CCDC148: variants seen among roughly 807,000 people sequenced by gnomAD.
CCDC148 encodes coiled-coil domain containing 148.
CCDC148 carries 89 observed loss-of-function variants against 85.7 expected under a neutral mutation model. The ratio of observed to expected loss-of-function variants is 1.04; its 90% CI spans 0.87 to 1.24. The LOEUF (loss-of-function observed/expected upper bound fraction) is 1.24. CCDC148 is among the 50% of genes most tolerant of loss of function. The pLI, the probability that CCDC148 is intolerant of heterozygous loss-of-function variation, is 0.00. For missense variants in CCDC148, 692 were observed against 671.7 expected (o/e 1.03, Z -0.33); for synonymous variants, 230 against 213.9 (o/e 1.08, Z -0.66).
At chr2:158,422,326 GA>G (rs1686837611) in intron 1 of CCDC148, among the ~76,000 whole-genome samples, 1 of 151,934 alleles carries the variant, frequency 6.6e-6, no homozygotes, top group Non-Finnish European at 1.5e-5. Context: ...CTTTATTGAG[GA>G]AAAATCCTCA....
At chr2:158,340,740 A>C in intron 3 of CCDC148, 60 bp from the exon 4 acceptor site, 1 of 975,180 alleles carries the variant, frequency 1.0e-6, no homozygotes, top group Non-Finnish European at 1.5e-6. Context: ...AGGTTTTTAA[A>C]AAATAACCAA....
At chr2:158,322,495 T>C (rs534111646) in intron 7 of CCDC148, among the ~76,000 whole-genome samples, 2 of 152,172 alleles carry the variant, frequency 1.3e-5, no homozygotes, top group South Asian at 2.1e-4. Context: ...ATCTGAAATA[T>C]ATAAAATGTT....
At chr2:158,308,446 C>T (rs2105207430) in intron 9 of CCDC148, among the ~76,000 whole-genome samples, 1 of 149,130 alleles carries the variant, frequency 6.7e-6, no homozygotes, top group African/African-American at 2.5e-5. Context: ...CAAGCTTATG[C>T]AATGTCAAAA....
At chr2:158,390,105 G>T (rs547902299) in intron 1 of CCDC148, among the ~76,000 whole-genome samples, 1 of 152,138 alleles carries the variant, frequency 6.6e-6, no homozygotes, top group Non-Finnish European at 1.5e-5. Flanking sequence ...TAGGACTACA[G>T]TAGATATAAA....
chr2:158,189,534 AAAGT>A (rs922041040), intron 11 of CCDC148, among the ~76,000 whole-genome samples: 19 of 151,516 alleles, frequency 1.3e-4, no homozygotes, highest in African/African-American at 3.9e-4. Context: ...TAAGATAAAC[AAAGT>A]AAAATAAATT....
chr2:158,350,462 T>G (rs1432567925), intron 2 of CCDC148, among the ~76,000 whole-genome samples: 1 of 152,180 alleles, frequency 6.6e-6, no homozygotes, highest in African/African-American at 2.4e-5. Flanking sequence ...TTGTTTGGTA[T>G]CTTTATTAAA....
At chr2:158,306,713 G>A (rs1245721949) in intron 9 of CCDC148, among the ~76,000 whole-genome samples, 1 of 151,770 alleles carries the variant, frequency 6.6e-6, no homozygotes, top group African/African-American at 2.4e-5. Context: ...AGCATTAGGA[G>A]ATATACCTAA....
rs1359888817 is a variant in CCDC148, at chr2:158,294,822, A to C, written c.1110+14611T>G. On this transcript the variant is annotated intron_variant, in intron 9 of 13. Transcript: ENST00000283233. ...CTGGGTGACAGAGCAAGACTCTGTC[A>C]AAAAAAAAAAACAAAAAAAAACCTG... Among the ~76,000 whole-genome samples the C allele has an allele frequency of 4.1e-5, 4 of 96,572 alleles. No homozygotes were observed. The East Asian group carries it at 1.6e-3, about 40-fold the overall frequency. The allele number at this position is 96,572 out of a possible 152,430, so 63.4% of individuals were successfully genotyped here. A position where few individuals can be genotyped will look rare whatever the true frequency, so the allele number is the denominator to read the frequency against.
At chr2:158,188,699 T>A (rs192156460) in intron 11 of CCDC148, among the ~76,000 whole-genome samples, 10 of 151,904 alleles carry the variant, frequency 6.6e-5, no homozygotes, top group Non-Finnish European at 4.4e-5. Flanking sequence ...CATTTATGAC[T>A]AAGTCTTCTA....
chr2:158,454,264 G>C (rs771433496), intron 1 of CCDC148, among the ~76,000 whole-genome samples: 17 of 152,150 alleles, frequency 1.1e-4, no homozygotes, highest in Non-Finnish European at 1.9e-4. Context: ...ATGGTGGTAG[G>C]GTAGAAGGAA....
rs772850267 is a variant in CCDC148, at chr2:158,345,331, G to A, written c.148-13C>T. 3 of 1,577,238 alleles carry A rather than the reference G, an allele frequency of 1.9e-6. No individual in the cohort carries two copies. Among genetic ancestry groups the A allele is most frequent in the African/African-American group, 1.4e-5 (1 of 73,576 alleles). On this transcript the variant is annotated splice_polypyrimidine_tract_variant and intron_variant, in intron 2 of 13. Transcript: ENST00000283233. ...TTGCTTTTCTGATCTAGATTTAGAG[G>A]AACAAAAGAGGAGCAACTTCAAAGT...
At chr2:158,280,725 G>C (rs1160946078) in intron 9 of CCDC148, among the ~76,000 whole-genome samples, 1 of 152,092 alleles carries the variant, frequency 6.6e-6, no homozygotes, top group Admixed American at 6.5e-5. Flanking sequence ...CAACGAGACA[G>C]AAAGTCAACA....
chr2:158,417,504 C>G (rs1400597713), intron 1 of CCDC148, among the ~76,000 whole-genome samples: 2 of 152,170 alleles, frequency 1.3e-5, no homozygotes, highest in African/African-American at 4.8e-5. Flanking sequence ...ATATAGGATG[C>G]TTCCAATAAG....
chr2:158,420,499 T>C (rs1023577921), intron 1 of CCDC148, among the ~76,000 whole-genome samples: 1 of 152,038 alleles, frequency 6.6e-6, no homozygotes, highest in Non-Finnish European at 1.5e-5. Context: ...ACTTCATAAA[T>C]GAAGGAGAAA....
chr2:158,424,662 C>T (rs1462756680), intron 1 of CCDC148: 1 of 188,872 alleles, frequency 5.3e-6, no homozygotes, highest in Admixed American at 5.6e-5. Flanking sequence ...CACATGTATA[C>T]CTATGTAACA....
chr2:158,392,853 C>T (rs1685371932), intron 1 of CCDC148, among the ~76,000 whole-genome samples: 1 of 151,956 alleles, frequency 6.6e-6, no homozygotes, highest in Non-Finnish European at 1.5e-5. Context: ...TGTGATGGGC[C>T]TGATGTCAGA....
intron 1 of CCDC148, among the ~76,000 whole-genome samples, chr2:158,383,152 AT>A (rs975958213): frequency 5.3e-5 from 8 of 151,348 alleles, no homozygotes; most frequent in Non-Finnish European, 7.4e-5. Flanking sequence ...ATAAAAAAAA[AT>A]AAAATAAATA....
intron 11 of CCDC148, among the ~76,000 whole-genome samples, chr2:158,193,248 C>T (rs1418288827): frequency 6.6e-6 from 1 of 152,088 alleles, no homozygotes; most frequent in East Asian, 1.9e-4. Flanking sequence ...TCTTCAATTC[C>T]AGCAGAATGT....
At chr2:158,388,251 G>C (rs1005147531) in intron 1 of CCDC148, among the ~76,000 whole-genome samples, 3 of 152,056 alleles carry the variant, frequency 2.0e-5, no homozygotes, top group African/African-American at 7.2e-5. Flanking sequence ...GTTATTCCAA[G>C]AAATTGAAAC....
Sources: gnomAD v4.1 joint callset for allele counts (sites outside exome capture counted in the v4.1 genomes callset) on GRCh38, gnomAD v4.1.1 for gene constraint, MANE v1.5 for transcripts, NCBI Gene and HGNC (gene_info 2026-07-23, HGNC 2026-07-21) for gene names.